The following EPB41L4A variants were observed in gnomAD, a reference collection of about 807,000 sequenced individuals.
EPB41L4A encodes erythrocyte membrane protein band 4.1 like 4A.
Under a neutral mutation model 108.6 loss-of-function variants are expected in EPB41L4A, and 100 were observed. That is an observed-to-expected ratio of 0.92 (90% CI 0.78 to 1.09). The LOEUF (loss-of-function observed/expected upper bound fraction) is 1.09. EPB41L4A is among the 50% of genes least tolerant of loss of function. EPB41L4A has a pLI of 0.00. For synonymous variants in EPB41L4A, 319 were observed against 289.0 expected, an observed-to-expected ratio of 1.10 and a Z score of -1.05; for missense variants, 1,030 against 842.7, an observed-to-expected ratio of 1.22 and a Z score of -2.75.
intron 1 of EPB41L4A, among the ~76,000 whole-genome samples, chr5:112,414,849 A>T (rs1762615307): frequency 6.6e-6 from 1 of 152,176 alleles, no homozygotes; most frequent in Non-Finnish European, 1.5e-5. Flanking sequence ...GAATTTTAGA[A>T]AACTGGATGT....
chr5:112,410,573 T>C (rs1762348587), intron 1 of EPB41L4A, among the ~76,000 whole-genome samples: 1 of 151,942 alleles, frequency 6.6e-6, no homozygotes, highest in South Asian at 2.1e-4. Context: ...ACCCAAGAGG[T>C]AGACTGGACA....
rs115840845 is a variant in EPB41L4A at position 112,254,729 on chromosome 5, T to A, written c.795+4500A>T. ...TCCCAATCGACTGGACCAATTCTCA[T>A]GATGCTCCTTATCTCTGTATATCTC... On this transcript the variant is annotated intron_variant, in intron 9 of 22. Coordinates refer to ENST00000261486, the MANE Select transcript of EPB41L4A (RefSeq NM_022140.5). 5.7e-3 allele frequency among the ~76,000 whole-genome samples: 874 copies of A among 152,228 alleles called. 3 individuals carry two copies. Among genetic ancestry groups the A allele is most frequent in the Middle Eastern group, 0.01 (3 of 294 alleles).
chr5:112,222,318 T>C (rs1215705905), intron 12 of EPB41L4A, among the ~76,000 whole-genome samples: 3 of 152,240 alleles, frequency 2.0e-5, no homozygotes, highest in African/African-American at 7.2e-5. Context: ...TGTACCATAG[T>C]ATCCCAAAGA....
chr5:112,214,587 C>T (rs1747477825), intron 12 of EPB41L4A, among the ~76,000 whole-genome samples: 1 of 152,068 alleles, frequency 6.6e-6, no homozygotes, highest in Non-Finnish European at 1.5e-5. Context: ...AGCAGTGAAA[C>T]CCCATCTCTA....
chr5:112,184,269 T>C lies in EPB41L4A; in HGVS notation c.1503-134A>G, dbSNP rs1761315945. 7.3e-6 allele frequency: 7 copies of C among 952,778 alleles called. No individual in the cohort carries two copies. The South Asian group carries it at 8.7e-5, about 12-fold the overall frequency. The allele number at this position is 952,778 out of a possible 1,614,324, so 59.0% of individuals were successfully genotyped here. Reference sequence around the variant, plus strand: ...GATCATTTATAGCTAAAGATGCATATTAACTGAATTAATATATCCATATGT... The same window carrying C: ...GATCATTTATAGCTAAAGATGCATACTAACTGAATTAATATATCCATATGT... On this transcript the variant is annotated intron_variant, in intron 17 of 22. Coordinates refer to ENST00000261486, the MANE Select transcript of EPB41L4A (RefSeq NM_022140.5).
At chr5:112,193,365 A>C (rs573441991) in intron 17 of EPB41L4A, among the ~76,000 whole-genome samples, 9 of 152,252 alleles carry the variant, frequency 5.9e-5, no homozygotes, top group Admixed American at 1.3e-4. Flanking sequence ...GCAATGGCAC[A>C]GTCTCGGCTC....
chr5:112,208,130 C>G (rs773286759), intron 13 of EPB41L4A, among the ~76,000 whole-genome samples: 1 of 150,676 alleles, frequency 6.6e-6, no homozygotes. Flanking sequence ...CCTGTAGTCC[C>G]AGCTACTTGG....
intron 12 of EPB41L4A, among the ~76,000 whole-genome samples, chr5:112,218,009 A>G (rs766442959): frequency 5.3e-5 from 8 of 152,166 alleles, no homozygotes; most frequent in Non-Finnish European, 1.0e-4. Flanking sequence ...TGGGACTGTG[A>G]GTGCACATAA....
intron 1 of EPB41L4A, among the ~76,000 whole-genome samples, chr5:112,331,921 T>A (rs1756594906): frequency 6.6e-6 from 1 of 152,228 alleles, no homozygotes; most frequent in South Asian, 2.1e-4. Context: ...CCTTTCACCC[T>A]GCGCTGTCCA....
At chr5:112,315,035 G>A (rs1755344187) in intron 1 of EPB41L4A, among the ~76,000 whole-genome samples, 1 of 152,152 alleles carries the variant, frequency 6.6e-6, no homozygotes, top group African/African-American at 2.4e-5. Flanking sequence ...CCAAATATCA[G>A]GGAGGGATAT....
chr5:112,317,776 T>C (rs1443785855), intron 1 of EPB41L4A, among the ~76,000 whole-genome samples: 1 of 152,242 alleles, frequency 6.6e-6, no homozygotes. Flanking sequence ...TACATCTTTT[T>C]TGTAAAAATA....
chr5:112,415,430 T>C (rs1016803521), intron 1 of EPB41L4A, among the ~76,000 whole-genome samples: 9 of 152,202 alleles, frequency 5.9e-5, no homozygotes, highest in African/African-American at 1.9e-4. Context: ...TAAACATTCA[T>C]CATGCTACTC....
chr5:112,347,323 G>T (rs1221539222), intron 1 of EPB41L4A, among the ~76,000 whole-genome samples: 1 of 152,174 alleles, frequency 6.6e-6, no homozygotes, highest in Admixed American at 6.5e-5. Flanking sequence ...GAAAGCAATG[G>T]TAGTTAAAAA....
chr5:112,243,030 A>G (rs1045164828), intron 9 of EPB41L4A, among the ~76,000 whole-genome samples: 2 of 152,084 alleles, frequency 1.3e-5, no homozygotes, highest in Non-Finnish European at 2.9e-5. Flanking sequence ...CCTGGCCAAC[A>G]TGGCGAAACC....
intron 17 of EPB41L4A, among the ~76,000 whole-genome samples, chr5:112,194,307 T>C (rs1020703107): frequency 9.2e-5 from 14 of 151,696 alleles, no homozygotes; most frequent in Non-Finnish European, 1.0e-4. Flanking sequence ...ATTGTAGCTA[T>C]ATACAGAATC....
chr5:112,327,219 C>T (rs1471116304), intron 1 of EPB41L4A, among the ~76,000 whole-genome samples: 1 of 152,160 alleles, frequency 6.6e-6, no homozygotes, highest in East Asian at 1.9e-4. Context: ...ACATTTCTCA[C>T]TAGGATGATT....
At chr5:112,384,439 G>C (rs1760367392) in intron 1 of EPB41L4A, among the ~76,000 whole-genome samples, 1 of 151,984 alleles carries the variant, frequency 6.6e-6, no homozygotes, top group Non-Finnish European at 1.5e-5. Context: ...TAACAAGGCA[G>C]ACCAAAGGCT....
At chr5:112,188,671 C>T (rs1481437745) in intron 17 of EPB41L4A, among the ~76,000 whole-genome samples, 1 of 152,170 alleles carries the variant, frequency 6.6e-6, no homozygotes, top group African/African-American at 2.4e-5. Flanking sequence ...TTTCCACTAG[C>T]TTTGTACGAA....
intron 1 of EPB41L4A, among the ~76,000 whole-genome samples, chr5:112,393,318 G>C (rs1761078009): frequency 6.6e-6 from 1 of 151,956 alleles, no homozygotes; most frequent in Non-Finnish European, 1.5e-5. Context: ...TTTTTGAAAA[G>C]ATCAACAAAA....
Sources: gnomAD v4.1 joint callset for allele counts (sites outside exome capture counted in the v4.1 genomes callset) on GRCh38, gnomAD v4.1.1 for gene constraint, MANE v1.5 for transcripts, NCBI Gene and HGNC (gene_info 2026-07-23, HGNC 2026-07-21) for gene names.